The following MPHOSPH10 variants were observed in gnomAD, a reference collection of about 807,000 sequenced individuals.
MPHOSPH10 encodes the protein M-phase phosphoprotein 10.
Under a neutral mutation model 77.3 loss-of-function variants are expected in MPHOSPH10, and 33 were observed. That is an observed-to-expected ratio of 0.43 (90% CI 0.32 to 0.57). The LOEUF (loss-of-function observed/expected upper bound fraction) is 0.57. Ranked by LOEUF, MPHOSPH10 falls within the 20% of genes least tolerant of loss-of-function variation. MPHOSPH10 has a pLI of 0.07. For missense variants in MPHOSPH10, 708 were observed against 780.1 expected, an observed-to-expected ratio of 0.91 and a Z score of 1.10; for synonymous variants, 245 against 268.0, an observed-to-expected ratio of 0.91 and a Z score of 0.84.
At position 71,133,368 on chromosome 2, in the gene MPHOSPH10, A is replaced by G; in HGVS notation, c.560A>G (p.Gln187Arg). ...ISKLEQQSKV[Q>R]NKGQGKPREK... ...AAATTGGAACAGCAGAGCAAGGTGCAAAACAAAGGACAGGGAAAACCAAGA... is the reference window on the plus strand; with the variant it reads ...AAATTGGAACAGCAGAGCAAGGTGCGAAACAAAGGACAGGGAAAACCAAGA... Residue 187 changes from glutamine to arginine, a missense_variant, in exon 2 of 11, where the codon CAA becomes CGA. Coordinates refer to ENST00000244230, the MANE Select transcript of MPHOSPH10 (RefSeq NM_005791.3). The G allele has an allele frequency of 6.2e-7, 1 of 1,614,194 alleles. No individual in the cohort carries two copies. The highest frequency in any genetic ancestry group is 8.5e-7 in the Non-Finnish European group (1 of 1,180,014).
Position 71,134,613 on chromosome 2 carries a change from T to C in MPHOSPH10, c.927-13T>C. The C allele has an allele frequency of 6.3e-7, 1 of 1,575,062 alleles. No individual in the cohort carries two copies. Among genetic ancestry groups the C allele is most frequent in the Non-Finnish European group, 8.6e-7 (1 of 1,167,254 alleles). The stretch of plus-strand genomic sequence containing the variant: ...GTAGTATATTTCTTTTTATAAGAGT[T>C]TTGGTATTGTAGGGATGAAGATGAT... On this transcript the variant is annotated splice_polypyrimidine_tract_variant and intron_variant, in intron 3 of 10. Coordinates refer to ENST00000244230, the MANE Select transcript of MPHOSPH10 (RefSeq NM_005791.3).
chr2:71,131,350 T>C (rs755663437), intron 1 of MPHOSPH10, among the ~76,000 whole-genome samples: 1 of 152,228 alleles, frequency 6.6e-6, no homozygotes, highest in Non-Finnish European at 1.5e-5. Flanking sequence ...ATCCACACTG[T>C]ACAACTTTTA....
chr2:71,143,150 T>C (rs556625679), intron 7 of MPHOSPH10, among the ~76,000 whole-genome samples: 3 of 151,402 alleles, frequency 2.0e-5, no homozygotes, highest in East Asian at 1.9e-4. Flanking sequence ...TTTTTTCTTT[T>C]TTTTTTTTTT....
chr2:71,144,636 A>G (rs1673674531), intron 8 of MPHOSPH10, 98 bp downstream of exon 8: 1 of 922,004 alleles, frequency 1.1e-6, no homozygotes. Flanking sequence ...TCAGGATACA[A>G]ACTTGTAGTT....
At chr2:71,141,395 AT>A in intron 7 of MPHOSPH10, 26 bp downstream of exon 7, 1 of 1,456,152 alleles carries the variant, frequency 6.9e-7, no homozygotes, top group East Asian at 2.6e-5. Context: ...AGGCCAAGCC[AT>A]TATTATTAAA....
chr2:71,138,628 A>T lies in MPHOSPH10; in HGVS notation c.1237A>T (p.Met413Leu). 2 of 1,614,150 alleles carry T rather than the reference A, an allele frequency of 1.2e-6. No homozygotes were observed. Among genetic ancestry groups the T allele is most frequent in the Non-Finnish European group, 8.5e-7 (1 of 1,180,016 alleles). ...ETLHFDHAVR[M>L]APVITEETTL... is the part of the protein sequence containing the mutation. ...CCTACACTTTGACCATGCTGTCCGGATGGGTATGGTGCCCTCTTCTGTAGT... is the reference window on the plus strand; with the variant it reads ...CCTACACTTTGACCATGCTGTCCGGTTGGGTATGGTGCCCTCTTCTGTAGT... Residue 413 changes from methionine to leucine, a missense_variant, in exon 5 of 11, where the codon ATG becomes TTG. This residue lies in a region of MPHOSPH10 where 263 missense variants were observed against 320.0 expected (regional missense o/e 0.82). Coordinates refer to ENST00000244230, the MANE Select transcript of MPHOSPH10 (RefSeq NM_005791.3).
At chr2:71,131,321 C>T (rs1037169823) in intron 1 of MPHOSPH10, among the ~76,000 whole-genome samples, 2 of 152,158 alleles carry the variant, frequency 1.3e-5, no homozygotes, top group Non-Finnish European at 2.9e-5. Context: ...GTTTGAATTC[C>T]GTAGCACACA....
In MPHOSPH10 at chr2:71,133,134, A is replaced by G. The variant is rs1236013792; in HGVS notation, c.326A>G (p.Glu109Gly). 1.9e-6 allele frequency: 3 copies of G among 1,613,990 alleles called. No individual in the cohort carries two copies. The highest frequency in any genetic ancestry group is 2.7e-5 in the African/African-American group (2 of 74,930). ...INDEDISLLP[E>G]SEEQEREEDG... is the part of the protein sequence containing the mutation. The stretch of plus-strand genomic sequence containing the variant: ...GATGAAGATATCAGTCTTCTCCCAG[A>G]GAGTGAAGAACAGGAACGTGAAGAG... Residue 109 changes from glutamate (E) to glycine (G), a missense_variant, in exon 2 of 11, where the codon GAG (glutamate) becomes GGG (glycine). Glu to Gly is a moderately conservative substitution (Grantham distance 98, BLOSUM62 -2). Around this residue, in one of 3 missense-constraint regions of MPHOSPH10, gnomAD observed 433 missense variants for 432.6 expected, o/e 1.00. Coordinates refer to ENST00000244230, the MANE Select transcript of MPHOSPH10 (RefSeq NM_005791.3).
At chr2:71,146,482 T>C (rs1673711112) in intron 8 of MPHOSPH10, among the ~76,000 whole-genome samples, 1 of 152,002 alleles carries the variant, frequency 6.6e-6, no homozygotes, top group Non-Finnish European at 1.5e-5. Context: ...ACTACAGGCA[T>C]GCACCACCAC....
chr2:71,130,798 C>T (rs371163969), intron 1 of MPHOSPH10, 44 bp downstream of exon 1: 4 of 1,555,530 alleles, frequency 2.6e-6, no homozygotes, highest in African/African-American at 2.7e-5. Flanking sequence ...CGGGGTCTCA[C>T]GTGGACGCGG....
At chr2:71,138,177 G>C (rs968469296) in intron 4 of MPHOSPH10, among the ~76,000 whole-genome samples, 7 of 152,200 alleles carry the variant, frequency 4.6e-5, no homozygotes, top group Non-Finnish European at 8.8e-5. Flanking sequence ...TCTAATCAAA[G>C]AATTACTTGA....
intron 8 of MPHOSPH10, among the ~76,000 whole-genome samples, chr2:71,144,911 T>A (rs894520784): frequency 1.3e-5 from 2 of 152,254 alleles, no homozygotes; most frequent in African/African-American, 4.8e-5. Context: ...TGTATGGATA[T>A]CTATACCAGC....
In MPHOSPH10 at chr2:71,130,877, A is replaced by G. The variant is rs1016649367; in HGVS notation, c.89+123A>G. The G allele has an allele frequency of 4.0e-5, 36 of 907,590 alleles. No homozygotes were observed. In the East Asian group the frequency reaches 9.9e-4, roughly 25 times the overall value. The allele number at this position is 907,590 out of a possible 1,614,324, so 56.2% of individuals were successfully genotyped here. A position where few individuals can be genotyped will look rare whatever the true frequency, so the allele number is the denominator to read the frequency against. On this transcript the variant is annotated intron_variant, in intron 1 of 10. Coordinates refer to ENST00000244230, the MANE Select transcript of MPHOSPH10 (RefSeq NM_005791.3). The stretch of plus-strand genomic sequence containing the variant: ...GGAAACGTAAAATCGCTTTTCCCCA[A>G]ATTTCAGAGTTTATGCTTTCCTAGG...
At chr2:71,149,807 G>T in intron 10 of MPHOSPH10, 59 bp from the exon 11 acceptor site, 1 of 1,393,552 alleles carries the variant, frequency 7.2e-7, no homozygotes, top group African/African-American at 1.4e-5. Flanking sequence ...TACTATTTTT[G>T]GCTTTTTTCA....
At chr2:71,131,672 A>G (rs999367860) in intron 1 of MPHOSPH10, among the ~76,000 whole-genome samples, 2 of 152,174 alleles carry the variant, frequency 1.3e-5, no homozygotes, top group Non-Finnish European at 2.9e-5. Flanking sequence ...TTACAGTAAA[A>G]GGTGGTTATC....
At chr2:71,138,789 C>G in intron 5 of MPHOSPH10, 158 bp downstream of exon 5, 1 of 1,025,866 alleles carries the variant, frequency 9.7e-7, no homozygotes, top group Non-Finnish European at 1.5e-6. Flanking sequence ...AATCCCGGCA[C>G]TTTGGGAGGC....
At chr2:71,139,900 C>T in intron 6 of MPHOSPH10, 38 bp downstream of exon 6, 1 of 1,376,300 alleles carries the variant, frequency 7.3e-7, no homozygotes, top group Non-Finnish European at 1.0e-6. Flanking sequence ...CAAAATGTCA[C>T]CAAGATTTTT....
Position 71,141,370 on chromosome 2 carries a change from G to A in MPHOSPH10, c.1446+1G>A. 6.6e-7 allele frequency: 1 copy of A among 1,525,648 alleles called. No homozygotes were observed. The highest frequency in any genetic ancestry group is 8.8e-7 in the Non-Finnish European group (1 of 1,139,212). 94.5% of individuals were successfully genotyped at this position (1,525,648 alleles called of 1,614,324 possible). ...ACAGGAGTACATCAAACTCAACCAGGTGAGGAAGCCTGTAAGGCCAAGCCA... is the reference window on the plus strand; with the variant it reads ...ACAGGAGTACATCAAACTCAACCAGATGAGGAAGCCTGTAAGGCCAAGCCA... On this transcript the variant is annotated splice_donor_variant, in intron 7 of 10. Coordinates refer to ENST00000244230, the MANE Select transcript of MPHOSPH10 (RefSeq NM_005791.3). LOFTEE classifies it high-confidence loss of function.
intron 9 of MPHOSPH10, 111 bp downstream of exon 9, chr2:71,148,217 T>C (rs1363749602): frequency 1.5e-5 from 13 of 878,388 alleles, no homozygotes; most frequent in Non-Finnish European, 2.2e-5. Context: ...TATTCCAATG[T>C]ATCTCAGCAG....
Sources: allele counts gnomAD v4.1 joint callset (sites outside exome capture counted in the v4.1 genomes callset), GRCh38; gene constraint gnomAD v4.1.1; regional missense constraint gnomAD v4.1.1; transcripts MANE v1.5; gene names NCBI Gene and HGNC (gene_info 2026-07-23, HGNC 2026-07-21).